The following SPRING1 variants were observed in gnomAD, a reference collection of about 807,000 sequenced individuals.
SPRING1 encodes the protein SREBF pathway regulator in golgi 1, also known as SREBP regulating gene protein.
In SPRING1, 14 loss-of-function variants were observed where a neutral mutation model predicts 24.7. The ratio of observed to expected loss-of-function variants is 0.57; its 90% CI spans 0.37 to 0.88. SPRING1 has a LOEUF of 0.88. Among genes scored for constraint, SPRING1 ranks in the 40% least tolerant of loss-of-function variants. The probability of loss-of-function intolerance (pLI) is 0.00; values close to 1 mark genes in which losing one functional copy is unlikely to be tolerated. For missense variants in SPRING1, 255 were observed against 268.4 expected (o/e 0.95, Z 0.35); for synonymous variants, 93 against 106.1 (o/e 0.88, Z 0.76).
chr12:116,733,350 T>C (rs898629087), intron 1 of SPRING1, among the ~76,000 whole-genome samples: 1 of 146,810 alleles, frequency 6.8e-6, no homozygotes, highest in Non-Finnish European at 1.5e-5. Context: ...GCCTGGTTAA[T>C]TTTTTGTATT....
Position 116,723,055 on chromosome 12 carries a change from A to G in SPRING1, c.268+12T>C. 6.2e-7 allele frequency: 1 copy of G among 1,612,278 alleles called. No homozygotes were observed. The highest frequency in any genetic ancestry group is 8.5e-7 in the Non-Finnish European group (1 of 1,180,006). On this transcript the variant is annotated intron_variant, in intron 2 of 4. Transcript: ENST00000261318. The stretch of plus-strand genomic sequence containing the variant: ...TCCTGACCGCCTGGAGAGGAAGGGA[A>G]GCCAGCCTCACCGAGTTCATCCGTG...
chr12:116,735,797 T>C (rs1158465406), intron 1 of SPRING1, among the ~76,000 whole-genome samples: 1 of 151,626 alleles, frequency 6.6e-6, no homozygotes, highest in Non-Finnish European at 1.5e-5. Flanking sequence ...CCCAGCACTT[T>C]GGGAGGCTGA....
chr12:116,728,764 A>G lies in SPRING1; in HGVS notation c.112-5541T>C, dbSNP rs957436905. On this transcript the variant is annotated intron_variant, in intron 1 of 4. Coordinates refer to ENST00000261318, the MANE Select transcript of SPRING1 (RefSeq NM_024738.4). The surrounding 1 kb of genome is among the most constrained non-coding windows in gnomAD (Gnocchi z 4.2). The stretch of plus-strand genomic sequence containing the variant: ...TCCATTTTACAGAGGAAGAACCCCA[A>G]CTCCCTCAAGGCCCACAGCTAGGGA... Among the ~76,000 whole-genome samples, 2 of 152,000 alleles carry G rather than the reference A, an allele frequency of 1.3e-5. No homozygotes were observed. The highest frequency in any genetic ancestry group is 4.8e-5 in the African/African-American group (2 of 41,384).
chr12:116,733,038 T>C (rs911074454), intron 1 of SPRING1, among the ~76,000 whole-genome samples: 35 of 152,118 alleles, frequency 2.3e-4, no homozygotes, highest in African/African-American at 8.5e-4. Flanking sequence ...AGCACAGTAA[T>C]AAAGATGGGG....
intron 1 of SPRING1, among the ~76,000 whole-genome samples, chr12:116,724,614 T>C (rs905072835): frequency 2.0e-5 from 3 of 151,284 alleles, no homozygotes; most frequent in African/African-American, 7.3e-5. Flanking sequence ...AAGGTAAAGG[T>C]TGCAGTGAGC....
chr12:116,726,980 G>A (rs1870727300), intron 1 of SPRING1, among the ~76,000 whole-genome samples: 2 of 152,156 alleles, frequency 1.3e-5, no homozygotes, highest in South Asian at 4.1e-4. Context: ...CTTGCCAAAA[G>A]GACAGTGAAA....
chr12:116,721,107 C>A (rs541448833), intron 2 of SPRING1, among the ~76,000 whole-genome samples: 2 of 152,174 alleles, frequency 1.3e-5, no homozygotes, highest in African/African-American at 4.8e-5. Context: ...TAAATCTCAT[C>A]ATCTATATAC....
At position 116,711,210 on chromosome 12, in the gene SPRING1, ACTCT is replaced by A. The variant is rs201164990; in HGVS notation, c.*6596_*6599del. ...CCCAATCCCCACAGGACAGGACAAC[ACTCT>A]CTCTCGCTCTCTCTCTTCCTTAAGA... On this transcript the variant is annotated 3_prime_UTR_variant, in exon 5 of 5. Coordinates refer to ENST00000261318, the MANE Select transcript of SPRING1 (RefSeq NM_024738.4). 7,018 of 151,852 alleles carry A rather than the reference ACTCT, an allele frequency of 0.046. 188 individuals carry two copies. Among genetic ancestry groups the A allele is most frequent in the Non-Finnish European group, 0.063 (4,291 of 67,960 alleles). 9.4% of individuals were successfully genotyped at this position (151,852 alleles called of 1,614,324 possible). A position where few individuals can be genotyped will look rare whatever the true frequency, so the allele number is the denominator to read the frequency against.
Position 116,722,728 on chromosome 12 carries a change from C to T in SPRING1, c.268+339G>A, listed in dbSNP as rs116561165. On this transcript the variant is annotated intron_variant, in intron 2 of 4. Transcript: ENST00000261318. ...GCTCTTATCCTATAGAGTTCACCCT[C>T]GAGATGAGAAAAAAAGATTGGCAAG... 9.1e-3 allele frequency among the ~76,000 whole-genome samples: 1,384 copies of T among 152,018 alleles called. 21 individuals carry two copies. Among genetic ancestry groups the T allele is most frequent in the African/African-American group, 0.031 (1,280 of 41,446 alleles).
At chr12:116,731,075 C>G (rs1870952390) in intron 1 of SPRING1, among the ~76,000 whole-genome samples, 1 of 152,246 alleles carries the variant, frequency 6.6e-6, no homozygotes, top group South Asian at 2.1e-4. Context: ...GCAGAACGTA[C>G]TGTTAGGCAT....
chr12:116,737,351 A>C (rs1871279655), intron 1 of SPRING1, among the ~76,000 whole-genome samples: 1 of 150,672 alleles, frequency 6.6e-6, no homozygotes, highest in African/African-American at 2.4e-5. Context: ...GGAAGAACGA[A>C]GTGAGGAAAG....
chr12:116,737,006 C>T (rs1871254927), intron 1 of SPRING1, among the ~76,000 whole-genome samples: 1 of 152,216 alleles, frequency 6.6e-6, no homozygotes, highest in African/African-American at 2.4e-5. Context: ...GGGAACCCCA[C>T]TTCTCCCAGG....
At chr12:116,721,578 G>A (rs1870438220) in intron 2 of SPRING1, among the ~76,000 whole-genome samples, 1 of 152,218 alleles carries the variant, frequency 6.6e-6, no homozygotes, top group Non-Finnish European at 1.5e-5. Flanking sequence ...GGGAATCGGT[G>A]CCTTTTGTGG....
chr12:116,713,089 GT>G lies in SPRING1; in HGVS notation c.*4720del, dbSNP rs1869943453. 6.6e-6 allele frequency: 1 copy of G among 152,270 alleles called. No individual in the cohort carries two copies. Among genetic ancestry groups the G allele is most frequent in the Non-Finnish European group, 1.5e-5 (1 of 68,160 alleles). The allele number at this position is 152,270 out of a possible 1,614,324, so 9.4% of individuals were successfully genotyped here. A position where few individuals can be genotyped will look rare whatever the true frequency, so the allele number is the denominator to read the frequency against. On this transcript the variant is annotated 3_prime_UTR_variant, in exon 5 of 5. Coordinates refer to ENST00000261318, the MANE Select transcript of SPRING1 (RefSeq NM_024738.4). ...ACTTCCAGCCAGGTAATTCTGTGTCGTGGGGGCTGTTGGGCACCATCCCTGG... is the reference window on the plus strand; with the variant it reads ...ACTTCCAGCCAGGTAATTCTGTGTCGGGGGGCTGTTGGGCACCATCCCTGG...
intron 2 of SPRING1, among the ~76,000 whole-genome samples, chr12:116,721,498 A>G (rs1870433277): frequency 6.6e-6 from 1 of 152,256 alleles, no homozygotes; most frequent in Non-Finnish European, 1.5e-5. Flanking sequence ...ACAGTAACAA[A>G]GAAACTAAAA....
At position 116,728,418 on chromosome 12, in the gene SPRING1, C is replaced by T. The variant is rs1253559829; in HGVS notation, c.112-5195G>A. Among the ~76,000 whole-genome samples the T allele has an allele frequency of 2.6e-5, 4 of 152,126 alleles. No individual in the cohort carries two copies. The highest frequency in any genetic ancestry group is 4.4e-5 in the Non-Finnish European group (3 of 68,032). ...GTGTTATTTGTTAAATAAATGCACC[C>T]AAGAAACCTGGTACCATTCACCATT... On this transcript the variant is annotated intron_variant, in intron 1 of 4. Coordinates refer to ENST00000261318, the MANE Select transcript of SPRING1 (RefSeq NM_024738.4). The surrounding 1 kb of genome is among the most constrained non-coding windows in gnomAD (Gnocchi z 4.2).
intron 1 of SPRING1, 57 bp downstream of exon 1, chr12:116,737,733 T>C (rs1592928576): frequency 1.5e-6 from 2 of 1,293,206 alleles, no homozygotes; most frequent in Non-Finnish European, 2.0e-6. Context: ...GAAAGTAAAG[T>C]AAGGGGGAGG....
rs1870315121 is a variant in SPRING1 at position 116,719,527 on chromosome 12, T to C, written c.534+236A>G. ...TTAAGGAACAAATGTACCAACCACA[T>C]AGAAGAGATGCCAGTTGATTAGACC... On this transcript the variant is annotated intron_variant, in intron 4 of 4. Coordinates refer to ENST00000261318, the MANE Select transcript of SPRING1 (RefSeq NM_024738.4). Among the ~76,000 whole-genome samples the C allele has an allele frequency of 2.0e-5, 3 of 152,178 alleles. No individual in the cohort carries two copies. In the South Asian group the frequency reaches 6.2e-4, roughly 31 times the overall value.
At chr12:116,727,138 C>T (rs898776961) in intron 1 of SPRING1, among the ~76,000 whole-genome samples, 1 of 152,160 alleles carries the variant, frequency 6.6e-6, no homozygotes, top group South Asian at 2.1e-4. Context: ...CAATTTTAAG[C>T]TTTTCTTCAT....
Sources: allele counts gnomAD v4.1 joint callset (sites outside exome capture counted in the v4.1 genomes callset), GRCh38; gene constraint gnomAD v4.1.1; non-coding constraint Gnocchi (gnomAD v3.1); transcripts MANE v1.5; gene names NCBI Gene and HGNC (gene_info 2026-07-23, HGNC 2026-07-21).